Variants in TBC1D32 observed in about 807,000 individuals in gnomAD.
TBC1D32 encodes TBC1 domain family member 32.
In TBC1D32, 151 loss-of-function variants were observed where a neutral mutation model predicts 170.3. The ratio of observed to expected loss-of-function variants is 0.89; its 90% CI spans 0.78 to 1.01. The LOEUF (loss-of-function observed/expected upper bound fraction) is 1.01, where lower values mean the gene tolerates loss of function less well. Ranked by LOEUF, TBC1D32 falls within the 50% of genes least tolerant of loss-of-function variation. The pLI is 0.00. For synonymous variants in TBC1D32, 498 were observed against 488.0 expected (o/e 1.02, Z -0.27); for missense variants, 1,464 against 1,457.1 (o/e 1.00, Z -0.08).
At chr6:121,189,733 T>C (rs1308718647) in intron 22 of TBC1D32, among the ~76,000 whole-genome samples, 1 of 152,000 alleles carries the variant, frequency 6.6e-6, no homozygotes, top group Non-Finnish European at 1.5e-5. Context: ...CATAACCTAG[T>C]TATAATCAAA....
At chr6:121,194,091 G>GAA (rs59122593) in intron 22 of TBC1D32, among the ~76,000 whole-genome samples, 3 of 151,102 alleles carry the variant, frequency 2.0e-5, no homozygotes, top group Admixed American at 6.6e-5. Flanking sequence ...TGATTCCAGG[G>GAA]AAAAAAAAAC....
intron 15 of TBC1D32, among the ~76,000 whole-genome samples, chr6:121,258,945 T>A (rs1799403949): frequency 6.6e-6 from 1 of 151,812 alleles, no homozygotes; most frequent in Admixed American, 6.6e-5. Context: ...CCTTATCTGT[T>A]TAACTTCAAT....
At chr6:121,121,427 T>G (rs1780250673) in intron 26 of TBC1D32, among the ~76,000 whole-genome samples, 1 of 152,040 alleles carries the variant, frequency 6.6e-6, no homozygotes, top group African/African-American at 2.4e-5. Context: ...AAAGAAGAAA[T>G]CATATCACCC....
At chr6:121,246,275 C>T (rs1797585064) in intron 17 of TBC1D32, among the ~76,000 whole-genome samples, 1 of 151,920 alleles carries the variant, frequency 6.6e-6, no homozygotes, top group Non-Finnish European at 1.5e-5. Flanking sequence ...AAAGATTCTC[C>T]ATAACTAAAG....
At chr6:121,091,465 T>C (rs1013512920) in intron 30 of TBC1D32, among the ~76,000 whole-genome samples, 1 of 152,190 alleles carries the variant, frequency 6.6e-6, no homozygotes, top group Non-Finnish European at 1.5e-5. Flanking sequence ...TGCTAAATGT[T>C]ACATTAATGC....
chr6:121,206,235 A>G (rs372470673), intron 21 of TBC1D32, among the ~76,000 whole-genome samples: 12 of 150,926 alleles, frequency 8.0e-5, no homozygotes, highest in South Asian at 4.2e-4. Flanking sequence ...AAAAAAAAGG[A>G]AGGCTTTCTT....
In TBC1D32 at chr6:121,107,998, T is replaced by C. The variant is rs539185947; in HGVS notation, c.3325-1835A>G. The stretch of plus-strand genomic sequence containing the variant: ...GAAGAAAGTTTGCCATACTTTGTGG[T>C]AACACAGCTCCTGATACCAAGCCTT... On this transcript the variant is annotated intron_variant, in intron 29 of 31. Coordinates refer to ENST00000398212, the MANE Select transcript of TBC1D32 (RefSeq NM_152730.6). 3.9e-5 allele frequency among the ~76,000 whole-genome samples: 6 copies of C among 152,102 alleles called. No homozygotes were observed. In the South Asian group the frequency reaches 1.2e-3, roughly 31 times the overall value.
intron 5 of TBC1D32, among the ~76,000 whole-genome samples, chr6:121,306,526 C>T (rs984724978): frequency 1.3e-5 from 2 of 152,126 alleles, no homozygotes; most frequent in Admixed American, 6.5e-5. Context: ...AACTCTTCTG[C>T]TAATGCCTTA....
chr6:121,122,955 C>A (rs547999845), intron 26 of TBC1D32, among the ~76,000 whole-genome samples: 2 of 151,946 alleles, frequency 1.3e-5, no homozygotes, highest in Non-Finnish European at 1.5e-5. Context: ...AGACTTTATG[C>A]TATGGTCAAT....
rs185191185 is a variant in TBC1D32 at position 121,171,962 on chromosome 6, T to C, written c.2571-10906A>G. The stretch of plus-strand genomic sequence containing the variant: ...TCCACTTAGAAATAACCCAAAAGCA[T>C]GGAGGAGGGAGAAAAACAGCATATC... On this transcript the variant is annotated intron_variant, in intron 22 of 31. Coordinates refer to ENST00000398212, the MANE Select transcript of TBC1D32 (RefSeq NM_152730.6). 3.3e-5 allele frequency among the ~76,000 whole-genome samples: 5 copies of C among 151,908 alleles called. No homozygotes were observed. The East Asian group carries it at 9.7e-4, about 29-fold the overall frequency.
intron 1 of TBC1D32, among the ~76,000 whole-genome samples, chr6:121,329,918 CA>C (rs1810987449): frequency 6.6e-6 from 1 of 151,880 alleles, no homozygotes; most frequent in Non-Finnish European, 1.5e-5. Context: ...CTTTTTAGGT[CA>C]AAAAATAAGC....
chr6:121,156,247 C>T (rs9387922), intron 24 of TBC1D32, among the ~76,000 whole-genome samples: 104,146 of 151,670 alleles, frequency 0.69, 41,011 homozygotes, highest in Non-Finnish European at 0.87. Flanking sequence ...CTTAGGATAT[C>T]ATGTTTTCAG....
chr6:121,217,336 A>G (rs1429629905), intron 21 of TBC1D32, among the ~76,000 whole-genome samples: 2 of 152,262 alleles, frequency 1.3e-5, no homozygotes, highest in Non-Finnish European at 2.9e-5. Flanking sequence ...TCAGAAGTAT[A>G]TCAACTCTCC....
intron 24 of TBC1D32, among the ~76,000 whole-genome samples, chr6:121,148,741 G>A (rs1258690518): frequency 6.6e-6 from 1 of 152,018 alleles, no homozygotes; most frequent in Non-Finnish European, 1.5e-5. Context: ...AGCCTCCCGG[G>A]TAGCTGGGAT....
intron 26 of TBC1D32, among the ~76,000 whole-genome samples, chr6:121,123,947 T>C (rs1430395656): frequency 6.6e-6 from 1 of 151,956 alleles, no homozygotes; most frequent in Non-Finnish European, 1.5e-5. Context: ...AAAAGATAAC[T>C]TGATTGCAAA....
chr6:121,192,779 C>T (rs1790235410), intron 22 of TBC1D32, among the ~76,000 whole-genome samples: 1 of 151,562 alleles, frequency 6.6e-6, no homozygotes, highest in South Asian at 2.1e-4. Context: ...AAAGAAACAG[C>T]TTCCCCATCC....
intron 26 of TBC1D32, among the ~76,000 whole-genome samples, chr6:121,124,674 T>G (rs1780645483): frequency 6.6e-6 from 1 of 152,118 alleles, no homozygotes; most frequent in Non-Finnish European, 1.5e-5. Context: ...ATCTTTGTTT[T>G]TTTGATGTTG....
At chr6:121,284,857 T>C (rs1803553799) in intron 12 of TBC1D32, among the ~76,000 whole-genome samples, 1 of 152,150 alleles carries the variant, frequency 6.6e-6, no homozygotes, top group South Asian at 2.1e-4. Flanking sequence ...AGTTCAACAG[T>C]ATCCTATAAA....
intron 22 of TBC1D32, chr6:121,170,443 A>G: frequency 1.2e-6 from 2 of 1,606,896 alleles, no homozygotes; most frequent in Non-Finnish European, 1.7e-6. Flanking sequence ...TTTCTTCTTG[A>G]GCATTTAGTA....
Sources: allele counts gnomAD v4.1 joint callset (sites outside exome capture counted in the v4.1 genomes callset), GRCh38; gene constraint gnomAD v4.1.1; transcripts MANE v1.5; gene names NCBI Gene and HGNC (gene_info 2026-07-23, HGNC 2026-07-21).